The following CHCHD3 variants were observed in gnomAD, a reference collection of about 807,000 sequenced individuals.
The protein encoded by CHCHD3 is coiled-coil-helix-coiled-coil-helix domain containing 3.
A neutral mutation model predicts 38.2 loss-of-function variants in CHCHD3; 20 were observed. The ratio of observed to expected loss-of-function variants is 0.52; its 90% CI spans 0.37 to 0.76. CHCHD3 has a LOEUF of 0.76. Ranked by LOEUF, CHCHD3 falls within the 30% of genes least tolerant of loss-of-function variation. The probability of loss-of-function intolerance (pLI) is 0.00; values close to 1 mark genes in which losing one functional copy is unlikely to be tolerated. For synonymous variants in CHCHD3, 82 were observed against 100.0 expected, an observed-to-expected ratio of 0.82 and a Z score of 1.07; for missense variants, 245 against 279.2, an observed-to-expected ratio of 0.88 and a Z score of 0.87.
chr7:132,886,656 A>G (rs57374736), intron 4 of CHCHD3, among the ~76,000 whole-genome samples: 2,709 of 151,290 alleles, frequency 0.018, 98 homozygotes, highest in African/African-American at 0.062. Context: ...ATATATGTAT[A>G]TATGTGTGTA....
intron 3 of CHCHD3, among the ~76,000 whole-genome samples, chr7:133,011,510 T>C (rs1812873002): frequency 6.6e-6 from 1 of 152,146 alleles, no homozygotes; most frequent in Non-Finnish European, 1.5e-5. Context: ...CACTGTAGGA[T>C]GTTTAACAGC....
intron 5 of CHCHD3, among the ~76,000 whole-genome samples, chr7:132,859,302 A>G (rs1280405602): frequency 1.3e-5 from 2 of 152,200 alleles, no homozygotes; most frequent in African/African-American, 2.4e-5. Context: ...TTTAATTACA[A>G]ACAAAAGCAG....
Position 132,975,213 on chromosome 7 carries a change from C to T in CHCHD3, c.325G>A (p.Glu109Lys), listed in dbSNP as rs1250884382. 1.2e-6 allele frequency: 2 copies of T among 1,612,474 alleles called. No individual in the cohort carries two copies. The highest frequency in any genetic ancestry group is 1.3e-5 in the African/African-American group (1 of 74,878). ...CGTTCCTCCTCGCTACATATCCTCT[C>T]CCGAAGGATGGCTCTGGTTAACTGC... is the stretch of plus-strand genomic sequence containing the variant. ...NEQLTRAILR[E>K]RICSEEERAK... Residue 109 changes from glutamate (E) to lysine (K), a missense_variant, in exon 4 of 8, where the codon GAG (glutamate) becomes AAG (lysine). By Grantham distance (56) the Glu-to-Lys change is moderately conservative (BLOSUM62 1). Coordinates refer to ENST00000262570, the MANE Select transcript of CHCHD3 (RefSeq NM_017812.4).
intron 4 of CHCHD3, among the ~76,000 whole-genome samples, chr7:132,951,675 G>A (rs913029072): frequency 6.6e-5 from 10 of 152,132 alleles, no homozygotes; most frequent in Non-Finnish European, 1.0e-4. Flanking sequence ...TATCCCTGTC[G>A]CTAAGCTATA....
At position 132,844,924 on chromosome 7, in the gene CHCHD3, A is replaced by G. The variant is rs554447271; in HGVS notation, c.454-6455T>C. On this transcript the variant is annotated intron_variant, in intron 5 of 7. Transcript: ENST00000262570. ...ATTAAAACACATTCCAATCTAAGGC[A>G]CCATGGATCAATTACTGAAAACATG... is the stretch of plus-strand genomic sequence containing the variant. The G allele has an allele frequency of 5.3e-5, 8 of 152,376 alleles. 1 individual carries two copies. The South Asian group carries it at 1.7e-3, about 32-fold the overall frequency. The allele number at this position is 152,376 out of a possible 1,614,324, so 9.4% of individuals were successfully genotyped here. A position where few individuals can be genotyped will look rare whatever the true frequency, so the allele number is the denominator to read the frequency against.
chr7:132,960,296 A>G (rs1054765848), intron 4 of CHCHD3, among the ~76,000 whole-genome samples: 14 of 152,186 alleles, frequency 9.2e-5, no homozygotes, highest in Admixed American at 1.3e-4. Flanking sequence ...CGGGGAAAGC[A>G]GTATTATCAT....
At chr7:133,052,970 C>G (rs575651885) in intron 2 of CHCHD3, among the ~76,000 whole-genome samples, 1 of 152,328 alleles carries the variant, frequency 6.6e-6, no homozygotes, top group Non-Finnish European at 1.5e-5. Context: ...CTCATTCTTT[C>G]TTTGGGAAAA....
Position 132,980,482 on chromosome 7 carries a change from A to C in CHCHD3, c.252-5196T>G, listed in dbSNP as rs141602204. On this transcript the variant is annotated intron_variant, in intron 3 of 7. Transcript: ENST00000262570. ...TTAAATTTCTTTCTTTTAAATACAT[A>C]TCTCTCCTCATTTAAATTCTCTAGA... Among the ~76,000 whole-genome samples the C allele has an allele frequency of 6.9e-3, 1,054 of 152,314 alleles. 15 individuals are homozygous for C. The highest frequency in any genetic ancestry group is 0.024 in the African/African-American group (997 of 41,566).
At chr7:132,921,838 C>G (rs1020916052) in intron 4 of CHCHD3, among the ~76,000 whole-genome samples, 18 of 152,300 alleles carry the variant, frequency 1.2e-4, no homozygotes, top group Admixed American at 3.9e-4. Context: ...GTCTAATTTC[C>G]CTACAGATCT....
chr7:133,009,286 C>T (rs948031993), intron 3 of CHCHD3, among the ~76,000 whole-genome samples: 3 of 150,674 alleles, frequency 2.0e-5, no homozygotes, highest in African/African-American at 7.3e-5. Context: ...ATCGCTTGAA[C>T]CCAGGAGGCA....
At chr7:132,879,192 T>C (rs1365771241) in intron 5 of CHCHD3, among the ~76,000 whole-genome samples, 1 of 152,164 alleles carries the variant, frequency 6.6e-6, no homozygotes, top group East Asian at 1.9e-4. Flanking sequence ...AGAATAATAT[T>C]TTAAGTGGCC....
intron 4 of CHCHD3, among the ~76,000 whole-genome samples, chr7:132,897,715 G>A (rs1048600952): frequency 1.6e-4 from 25 of 152,168 alleles, no homozygotes; most frequent in African/African-American, 5.6e-4. Context: ...ATAAAGATTT[G>A]TTTTTAAAGA....
intron 3 of CHCHD3, among the ~76,000 whole-genome samples, chr7:132,986,516 GAA>G (rs1418699377): frequency 6.6e-6 from 1 of 151,992 alleles, no homozygotes; most frequent in East Asian, 1.9e-4. Flanking sequence ...GCGATTTGAG[GAA>G]AAGTCAAGTC....
intron 3 of CHCHD3, chr7:133,022,313 A>G: frequency 2.5e-6 from 1 of 403,130 alleles, no homozygotes; most frequent in Non-Finnish European, 5.0e-6. Context: ...CTTGGCACGC[A>G]GGGTATATAC....
chr7:133,001,765 GCAGA>G (rs1812580572), intron 3 of CHCHD3, among the ~76,000 whole-genome samples: 2 of 152,184 alleles, frequency 1.3e-5, no homozygotes, highest in Non-Finnish European at 2.9e-5. Flanking sequence ...GTAGAAGAGA[GCAGA>G]CAGATTTTTA....
intron 4 of CHCHD3, among the ~76,000 whole-genome samples, chr7:132,964,569 G>A (rs1811409519): frequency 6.6e-6 from 1 of 152,272 alleles, no homozygotes. Flanking sequence ...ACAACAGGGT[G>A]AGACTCAGTC....
At chr7:132,994,117 A>T (rs766228762) in intron 3 of CHCHD3, among the ~76,000 whole-genome samples, 1 of 152,194 alleles carries the variant, frequency 6.6e-6, no homozygotes, top group South Asian at 2.1e-4. Context: ...TTTTCACTAT[A>T]GGCTACATTT....
At chr7:132,962,789 C>T (rs1053299409) in intron 4 of CHCHD3, among the ~76,000 whole-genome samples, 28 of 152,156 alleles carry the variant, frequency 1.8e-4, no homozygotes, top group African/African-American at 6.8e-4. Context: ...CTTACTAAAA[C>T]TCTAGCAATG....
chr7:133,014,618 C>A (rs1812976486), intron 3 of CHCHD3, among the ~76,000 whole-genome samples: 1 of 151,282 alleles, frequency 6.6e-6, no homozygotes, highest in African/African-American at 2.4e-5. Context: ...AAAAACCCAG[C>A]ATATCAAGCA....
Sources: allele counts gnomAD v4.1 joint callset (sites outside exome capture counted in the v4.1 genomes callset), GRCh38; gene constraint gnomAD v4.1.1; transcripts MANE v1.5; gene names NCBI Gene and HGNC (gene_info 2026-07-23, HGNC 2026-07-21).